The following CREG1 variants were observed in gnomAD, a reference collection of about 807,000 sequenced individuals.
CREG1 encodes protein CREG1.
In CREG1, 20 loss-of-function variants were observed where a neutral mutation model predicts 19.9. That is an observed-to-expected ratio of 1.01 (90% confidence interval 0.71 to 1.46). CREG1 has a LOEUF of 1.46. CREG1 is among the 40% of genes most tolerant of loss of function. CREG1 has a pLI of 0.00. For missense variants in CREG1, 290 were observed against 314.9 expected (o/e 0.92, Z 0.60); for synonymous variants, 141 against 143.3 (o/e 0.98, Z 0.12).
chr1:167,550,018 C>T (rs1656397754), intron 1 of CREG1, among the ~76,000 whole-genome samples: 1 of 152,084 alleles, frequency 6.6e-6, no homozygotes, highest in African/African-American at 2.4e-5. Flanking sequence ...GAAACAGAAT[C>T]AAGCTCTGTC....
At position 167,542,194 on chromosome 1, in the gene CREG1, G is replaced by A; in HGVS notation, c.*104C>T. On this transcript the variant is annotated 3_prime_UTR_variant, in exon 4 of 4. Coordinates refer to ENST00000370509, the MANE Select transcript of CREG1 (RefSeq NM_003851.3). ...CAAACCAGCATGTGACAGAAAACTG[G>A]CTAATATTCTGGGACGCTTTCCAGA... 9.8e-7 allele frequency: 1 copy of A among 1,022,108 alleles called. No homozygotes were observed. The highest frequency in any genetic ancestry group is 1.9e-5 in the South Asian group (1 of 53,056). 63.3% of individuals were successfully genotyped at this position (1,022,108 alleles called of 1,614,324 possible). A position where few individuals can be genotyped will look rare whatever the true frequency, so the allele number is the denominator to read the frequency against.
At chr1:167,549,561 T>C (rs1027651567) in intron 1 of CREG1, among the ~76,000 whole-genome samples, 7 of 152,224 alleles carry the variant, frequency 4.6e-5, no homozygotes, top group African/African-American at 1.7e-4. Flanking sequence ...ATTTTTGTAT[T>C]TTTAGTAGAG....
At chr1:167,543,486 C>T (rs1013843008) in intron 3 of CREG1, among the ~76,000 whole-genome samples, 31 of 132,502 alleles carry the variant, frequency 2.3e-4, no homozygotes, top group African/African-American at 5.2e-4. Flanking sequence ...CTTCCAAAAC[C>T]GATCTGGGCA....
intron 2 of CREG1, among the ~76,000 whole-genome samples, chr1:167,546,562 A>G (rs949595633): frequency 6.6e-6 from 1 of 152,132 alleles, no homozygotes; most frequent in African/African-American, 2.4e-5. Context: ...AAATGGCATG[A>G]ACCCGGGAGG....
chr1:167,546,021 G>A lies in CREG1; in HGVS notation c.659+80C>T, dbSNP rs1571625254. The A allele has an allele frequency of 2.0e-5, 25 of 1,260,826 alleles. No homozygotes were observed. The East Asian group carries it at 4.3e-4, about 22-fold the overall frequency. 78.1% of individuals were successfully genotyped at this position (1,260,826 alleles called of 1,614,324 possible). Reference sequence around the variant, plus strand: ...CCAGGGTGTCCAGGGCACATGAAACGGTTAAACCCCCCTTGCCTTAGAAGG... The same window carrying A: ...CCAGGGTGTCCAGGGCACATGAAACAGTTAAACCCCCCTTGCCTTAGAAGG... On this transcript the variant is annotated intron_variant, in intron 3 of 3. Transcript: ENST00000370509.
intron 1 of CREG1, among the ~76,000 whole-genome samples, chr1:167,550,203 G>A (rs1359388849): frequency 6.6e-6 from 1 of 152,052 alleles, no homozygotes; most frequent in Non-Finnish European, 1.5e-5. Context: ...TGGCCAGGCT[G>A]GTCTCAAACT....
chr1:167,547,540 T>C (rs1483903722), intron 2 of CREG1, among the ~76,000 whole-genome samples: 1 of 152,214 alleles, frequency 6.6e-6, no homozygotes, highest in Non-Finnish European at 1.5e-5. Context: ...TTAAAACGTT[T>C]GGTTTTCATG....
chr1:167,543,647 G>A (rs3767440), intron 3 of CREG1, among the ~76,000 whole-genome samples: 29,797 of 152,078 alleles, frequency 0.2, 3,142 homozygotes, highest in East Asian at 0.31. Context: ...CAAACCTGGC[G>A]GGTGGGATTA....
At chr1:167,542,938 A>G (rs1036177294) in intron 3 of CREG1, among the ~76,000 whole-genome samples, 2 of 152,184 alleles carry the variant, frequency 1.3e-5, no homozygotes, top group African/African-American at 4.8e-5. Context: ...GTCAAAAGCA[A>G]TGCTTATGCT....
chr1:167,542,973 C>T (rs1175747617), intron 3 of CREG1, among the ~76,000 whole-genome samples: 6 of 152,102 alleles, frequency 3.9e-5, no homozygotes, highest in African/African-American at 7.2e-5. Flanking sequence ...GTTGGGCGGG[C>T]GCGGTGGCTC....
At chr1:167,545,705 T>C (rs538344292) in intron 3 of CREG1, among the ~76,000 whole-genome samples, 52 of 152,136 alleles carry the variant, frequency 3.4e-4, no homozygotes, top group African/African-American at 1.2e-3. Context: ...CTTGGGAGGC[T>C]TGAGGCATAA....
intron 2 of CREG1, among the ~76,000 whole-genome samples, chr1:167,547,156 G>T (rs191782885): frequency 1.0e-3 from 159 of 152,358 alleles, no homozygotes; most frequent in Non-Finnish European, 2.0e-3. Context: ...TCTGCTGGCT[G>T]GGTAATCAGA....
chr1:167,546,208 G>A lies in CREG1; in HGVS notation c.552C>T (p.Ser184=), dbSNP rs747612208. The A allele has an allele frequency of 6.2e-7, 1 of 1,613,300 alleles. No homozygotes were observed. The change falls in exon 3 of 4, where the codon AGC becomes AGT. Residue 184 remains serine, a synonymous_variant. Coordinates refer to ENST00000370509, the MANE Select transcript of CREG1 (RefSeq NM_003851.3). ...TCAACTTAGCAAAGAACCAATTATGGCTGGAAGGCCAGGTTTTCATCTCAG... is the reference window on the plus strand; with the variant it reads ...TCAACTTAGCAAAGAACCAATTATGACTGGAAGGCCAGGTTTTCATCTCAG... ...RHPEMKTWPS[S]HNWFFAKLNI... is the part of the protein sequence containing the mutation.
Position 167,548,087 on chromosome 1 carries a change from G to T in CREG1, c.389C>A (p.Ala130Glu). ...ATGTTTCTTGCAGAAGTTGGTCTGT[G>T]CCAAAGTCATGGTCAGTGTAGCATA... Reference protein sequence around the residue: ...NPYATLTMTLAQTNFCKKHGF... With the variant: ...NPYATLTMTLEQTNFCKKHGF... Residue 130 changes from alanine (A) to glutamate (E), a missense_variant, in exon 2 of 4, where the codon GCA (alanine) becomes GAA (glutamate). Physicochemically the swap from Ala to Glu is moderately radical, Grantham distance 107. Coordinates refer to ENST00000370509, the MANE Select transcript of CREG1 (RefSeq NM_003851.3). 1.2e-6 allele frequency: 2 copies of T among 1,613,152 alleles called. No individual in the cohort carries two copies. The highest frequency in any genetic ancestry group is 1.7e-6 in the Non-Finnish European group (2 of 1,179,110).
chr1:167,546,043 A>T, intron 3 of CREG1, 58 bp downstream of exon 3: 1 of 1,459,316 alleles, frequency 6.9e-7, no homozygotes. Context: ...CTTGCCTTAG[A>T]AGGCTGAGGA....
Position 167,553,661 on chromosome 1 carries a change from C to A in CREG1, c.81G>T (p.Ser27=), listed in dbSNP as rs1426099215. 2 of 1,339,756 alleles carry A rather than the reference C, an allele frequency of 1.5e-6. No homozygotes were observed. Among genetic ancestry groups the A allele is most frequent in the East Asian group, 6.2e-5 (2 of 32,190 alleles). 83.0% of individuals were successfully genotyped at this position (1,339,756 alleles called of 1,614,324 possible). A position where few individuals can be genotyped will look rare whatever the true frequency, so the allele number is the denominator to read the frequency against. Residue 27 remains serine (S), a synonymous_variant, in exon 1 of 4, where the codon TCG becomes TCT. Coordinates refer to ENST00000370509, the MANE Select transcript of CREG1 (RefSeq NM_003851.3). ...LASTLLALLV[S]PARGRGGRDH... ...CCCGGCCGCCGCGACCCCGCGCGGG[C>A]GACACGAGCAGCGCCAACAGCGTCG... is the stretch of plus-strand genomic sequence containing the variant.
intron 3 of CREG1, 64 bp from the exon 4 acceptor site, chr1:167,542,365 T>C: frequency 6.8e-7 from 1 of 1,481,322 alleles, no homozygotes; most frequent in African/African-American, 1.4e-5. Flanking sequence ...AAAAATTAAT[T>C]CATTCTAGGG....
rs1656235474 is a variant in CREG1, at chr1:167,542,037, TTTG to T, written c.*258_*260del. Reference sequence around the variant, plus strand: ...TTTGGAATTGATGGGACAAAACTTATTTGATTATAGTGAAGGATATTTCTCTAC... The same window carrying T: ...TTTGGAATTGATGGGACAAAACTTATATTATAGTGAAGGATATTTCTCTAC... On this transcript the variant is annotated 3_prime_UTR_variant, in exon 4 of 4. Coordinates refer to ENST00000370509, the MANE Select transcript of CREG1 (RefSeq NM_003851.3). The T allele has an allele frequency of 2.8e-6, 1 of 361,408 alleles. No homozygotes were observed. The highest frequency in any genetic ancestry group is 5.0e-6 in the Non-Finnish European group (1 of 200,222). The allele number at this position is 361,408 out of a possible 1,614,324, so 22.4% of individuals were successfully genotyped here. A position where few individuals can be genotyped will look rare whatever the true frequency, so the allele number is the denominator to read the frequency against.
rs763846546 is a variant in CREG1, at chr1:167,546,283, C to T, written c.477G>A (p.Val159=). 1.3e-6 allele frequency: 2 copies of T among 1,578,432 alleles called. No individual in the cohort carries two copies. The highest frequency in any genetic ancestry group is 1.1e-5 in the South Asian group (1 of 87,346). The part of the protein sequence containing the change: ...HIMLSGTVTK[V]NETEMDIAKH... The stretch of plus-strand genomic sequence containing the variant: ...TTGCAATATCCATTTCTGTTTCATT[C>T]ACCTAAAGGACATATATGAAATAAA... The change falls in exon 3 of 4, where the codon GTG becomes GTA. Residue 159 remains valine (V), a splice_region_variant and synonymous_variant. Coordinates refer to ENST00000370509, the MANE Select transcript of CREG1 (RefSeq NM_003851.3).
Sources: allele counts gnomAD v4.1 joint callset (sites outside exome capture counted in the v4.1 genomes callset), GRCh38; gene constraint gnomAD v4.1.1; transcripts MANE v1.5; gene names NCBI Gene and HGNC (gene_info 2026-07-23, HGNC 2026-07-21).